The following AKAP6 variants were observed in gnomAD, a reference collection of about 807,000 sequenced individuals.
AKAP6 encodes the protein A-kinase anchor protein 6.
Under a neutral mutation model 188.5 loss-of-function variants are expected in AKAP6, and 58 were observed. That is an observed-to-expected ratio of 0.31 (90% CI 0.25 to 0.38). AKAP6 has a LOEUF of 0.38. Among genes scored for constraint, AKAP6 ranks in the 10% least tolerant of loss-of-function variants. The pLI is 1.00. For synonymous variants in AKAP6, 989 were observed against 998.6 expected (o/e 0.99, Z 0.18); for missense variants, 2,710 against 2,740.0 (o/e 0.99, Z 0.24).
intron 2 of AKAP6, among the ~76,000 whole-genome samples, chr14:32,475,172 T>G (rs1293303842): frequency 6.6e-6 from 1 of 152,218 alleles, no homozygotes; most frequent in Non-Finnish European, 1.5e-5. Context: ...TCAGATACTT[T>G]GCATGCACTA....
rs78033991 is a variant in AKAP6, at chr14:32,461,806, T to G, written c.324+27989T>G. Reference sequence around the variant, plus strand: ...TCTGAGCTAAAGGAGGATGTTATAATGCAATGCAAGGAAGCTAAGAACCTT... The same window carrying G: ...TCTGAGCTAAAGGAGGATGTTATAAGGCAATGCAAGGAAGCTAAGAACCTT... On this transcript the variant is annotated intron_variant, in intron 2 of 13. Coordinates refer to ENST00000280979, the MANE Select transcript of AKAP6 (RefSeq NM_004274.5). 1.0e-2 allele frequency among the ~76,000 whole-genome samples: 1,515 copies of G among 152,094 alleles called. 18 individuals are homozygous for G. Among genetic ancestry groups the G allele is most frequent in the African/African-American group, 0.035 (1,438 of 41,502 alleles).
intron 11 of AKAP6, among the ~76,000 whole-genome samples, chr14:32,760,058 G>GAGTT (rs1466220799): frequency 6.6e-6 from 1 of 152,164 alleles, no homozygotes; most frequent in Non-Finnish European, 1.5e-5. Flanking sequence ...ATGTTATTTG[G>GAGTT]AGTTAGACTT....
At chr14:32,355,787 T>TTTC (rs1566460980) in intron 1 of AKAP6, among the ~76,000 whole-genome samples, 29 of 152,046 alleles carry the variant, frequency 1.9e-4, no homozygotes, top group African/African-American at 6.3e-4. Context: ...TTTTCTTTTT[T>TTTC]TTTTTGAGAC....
At chr14:32,471,180 T>G (rs1349677296) in intron 2 of AKAP6, among the ~76,000 whole-genome samples, 2 of 152,278 alleles carry the variant, frequency 1.3e-5, no homozygotes, top group Non-Finnish European at 2.9e-5. Flanking sequence ...AAGGCAGTTT[T>G]GTATTTTGGA....
chr14:32,424,012 A>G (rs1257867903), intron 1 of AKAP6, among the ~76,000 whole-genome samples: 1 of 152,090 alleles, frequency 6.6e-6, no homozygotes, highest in Non-Finnish European at 1.5e-5. Context: ...CTCTTTCTCT[A>G]TCTTTTCTTT....
chr14:32,351,184 G>T (rs957142950), intron 1 of AKAP6, among the ~76,000 whole-genome samples: 1 of 152,116 alleles, frequency 6.6e-6, no homozygotes, highest in Non-Finnish European at 1.5e-5. Context: ...ATATCTTATA[G>T]ACATTAAATA....
intron 10 of AKAP6, 49 bp from the exon 11 acceptor site, chr14:32,735,609 T>G: frequency 7.1e-7 from 1 of 1,403,386 alleles, no homozygotes; most frequent in South Asian, 1.3e-5. Context: ...TCGTGGGGTT[T>G]TTTTTTGTTT....
chr14:32,628,058 A>G (rs940027036), intron 7 of AKAP6: 12 of 152,096 alleles, frequency 7.9e-5, no homozygotes, highest in Admixed American at 7.9e-4. Flanking sequence ...CCTGTAATGG[A>G]AAAATGCAAC....
chr14:32,773,582 C>T lies in AKAP6; in HGVS notation c.3373-96C>T. The T allele has an allele frequency of 3.5e-6, 4 of 1,154,872 alleles. No individual in the cohort carries two copies. The South Asian group carries it at 4.4e-5, about 13-fold the overall frequency. 71.5% of individuals were successfully genotyped at this position (1,154,872 alleles called of 1,614,324 possible). ...TCCTATTGTTGGTAGCTGAGTGTAT[C>T]ACTACAATTTGAAATTATGATGGAA... On this transcript the variant is annotated intron_variant, in intron 11 of 13. Transcript: ENST00000280979.
intron 12 of AKAP6, among the ~76,000 whole-genome samples, chr14:32,819,864 T>C (rs1054036636): frequency 6.6e-6 from 1 of 151,942 alleles, no homozygotes; most frequent in Admixed American, 6.6e-5. Context: ...GGAAGGATTG[T>C]TTGAGCCTGG....
chr14:32,711,106 T>A (rs1205857259), intron 9 of AKAP6, among the ~76,000 whole-genome samples: 1 of 152,084 alleles, frequency 6.6e-6, no homozygotes, highest in Non-Finnish European at 1.5e-5. Flanking sequence ...TTGTACAGAC[T>A]TGAATGGTTT....
At chr14:32,758,831 CAG>C (rs1566691223) in intron 11 of AKAP6, among the ~76,000 whole-genome samples, 1 of 152,100 alleles carries the variant, frequency 6.6e-6, no homozygotes, top group East Asian at 1.9e-4. Flanking sequence ...CTATTTTAAA[CAG>C]AATTAAAAAC....
chr14:32,430,703 C>G (rs1890188694), intron 1 of AKAP6, among the ~76,000 whole-genome samples: 1 of 152,148 alleles, frequency 6.6e-6, no homozygotes, highest in Non-Finnish European at 1.5e-5. Flanking sequence ...GTTCTAAGTT[C>G]TTGACCTAGA....
intron 12 of AKAP6, among the ~76,000 whole-genome samples, chr14:32,778,959 A>G (rs1489708808): frequency 6.6e-6 from 1 of 152,178 alleles, no homozygotes; most frequent in Non-Finnish European, 1.5e-5. Context: ...GATGCAATAA[A>G]TAGAAGAATA....
At chr14:32,713,684 T>G (rs1028730211) in intron 9 of AKAP6, among the ~76,000 whole-genome samples, 2 of 152,082 alleles carry the variant, frequency 1.3e-5, no homozygotes, top group African/African-American at 2.4e-5. Flanking sequence ...CTTCTGCAGC[T>G]TCCTCACCTC....
chr14:32,702,900 C>G (rs540415660), intron 9 of AKAP6, among the ~76,000 whole-genome samples: 34 of 150,904 alleles, frequency 2.3e-4, no homozygotes, highest in Middle Eastern at 6.8e-3. Context: ...GCCATGTGAC[C>G]ACGCTTAATC....
At chr14:32,557,297 C>T (rs1402785438) in intron 4 of AKAP6, among the ~76,000 whole-genome samples, 1 of 152,134 alleles carries the variant, frequency 6.6e-6, no homozygotes, top group Non-Finnish European at 1.5e-5. Flanking sequence ...CAACATTTCA[C>T]CATGTGCCCA....
At chr14:32,635,123 A>G (rs1887431438) in intron 7 of AKAP6, among the ~76,000 whole-genome samples, 1 of 152,016 alleles carries the variant, frequency 6.6e-6, no homozygotes, top group Non-Finnish European at 1.5e-5. Context: ...AAGTTGTATT[A>G]TTTGAGACCC....
chr14:32,630,973 T>C (rs1401405670), intron 7 of AKAP6, among the ~76,000 whole-genome samples: 1 of 152,088 alleles, frequency 6.6e-6, no homozygotes. Flanking sequence ...AAGATCCTTC[T>C]GGTCTTTCTT....
Sources: gnomAD v4.1 joint callset for allele counts (sites outside exome capture counted in the v4.1 genomes callset) on GRCh38, gnomAD v4.1.1 for gene constraint, MANE v1.5 for transcripts, NCBI Gene and HGNC (gene_info 2026-07-23, HGNC 2026-07-21) for gene names.